The following TRPC3 variants were observed in gnomAD, a reference collection of about 807,000 sequenced individuals.
TRPC3 encodes the protein short transient receptor potential channel 3.
In TRPC3, 54 loss-of-function variants were observed where a neutral mutation model predicts 90.9. That is an observed-to-expected ratio of 0.59 (90% CI 0.48 to 0.75). The LOEUF is 0.75. Ranked by LOEUF, TRPC3 falls within the 30% of genes least tolerant of loss-of-function variation. The probability of loss-of-function intolerance (pLI) is 0.00; values close to 1 mark genes in which losing one functional copy is unlikely to be tolerated. For synonymous variants in TRPC3, 424 were observed against 450.9 expected (o/e 0.94, Z 0.75); for missense variants, 918 against 1,194.5 (o/e 0.77, Z 3.41).
chr4:121,910,766 A>G (rs1233789869), intron 5 of TRPC3, among the ~76,000 whole-genome samples: 1 of 152,228 alleles, frequency 6.6e-6, no homozygotes, highest in Non-Finnish European at 1.5e-5. Flanking sequence ...GTTCTATACA[A>G]TCACAATGGT....
At chr4:121,879,961 A>T in intron 11 of TRPC3, 83 bp from the exon 12 acceptor site, 1 of 1,345,472 alleles carries the variant, frequency 7.4e-7, no homozygotes, top group Non-Finnish European at 9.9e-7. Context: ...TTACAATATC[A>T]ATGTATTTGC....
intron 1 of TRPC3, among the ~76,000 whole-genome samples, chr4:121,941,676 C>A (rs1190085435): frequency 1.3e-5 from 2 of 152,198 alleles, no homozygotes; most frequent in African/African-American, 4.8e-5. Context: ...CCCTGGCAAG[C>A]AGGCACCTGT....
chr4:121,932,996 C>A lies in TRPC3; in HGVS notation c.262G>T (p.Glu88Ter). Residue 88 changes from glutamate to a stop codon, truncating the protein, a stop_gained, in exon 2 of 12, where the codon GAG becomes TAG. Transcript: ENST00000379645. LOFTEE classifies it high-confidence loss of function. The surrounding 1 kb of genome is among the most constrained non-coding windows in gnomAD (Gnocchi z 7.7). ...PSLRRMTVMREKGRRQAVRGP... is the reference protein window; with the variant it reads ...PSLRRMTVMR Reference sequence around the variant, plus strand: ...CTGACAGCCTGGCGCCGGCCCTTCTCCCGCATCACTGTCATGCGTCTCAGG... The same window carrying A: ...CTGACAGCCTGGCGCCGGCCCTTCTACCGCATCACTGTCATGCGTCTCAGG... 1 of 1,607,302 alleles carries A rather than the reference C, an allele frequency of 6.2e-7. No homozygotes were observed. The highest frequency in any genetic ancestry group is 8.5e-7 in the Non-Finnish European group (1 of 1,175,992).
chr4:121,874,918 C>T lies in TRPC3; in HGVS notation c.*4818G>A, dbSNP rs1727723915. ...AGGCTGAGGCTCAAGATTGCTTGAGCCCAACAATCCAGCCTGGGCAAAATA... is the reference window on the plus strand; with the variant it reads ...AGGCTGAGGCTCAAGATTGCTTGAGTCCAACAATCCAGCCTGGGCAAAATA... On this transcript the variant is annotated 3_prime_UTR_variant, in exon 12 of 12. Transcript: ENST00000379645. Among the ~76,000 whole-genome samples, 1 of 151,838 alleles carries T rather than the reference C, an allele frequency of 6.6e-6. No individual in the cohort carries two copies. Among genetic ancestry groups the T allele is most frequent in the Non-Finnish European group, 1.5e-5 (1 of 67,976 alleles).
Position 121,933,069 on chromosome 4 carries a change from T to C in TRPC3, c.216-27A>G, listed in dbSNP as rs202009238. The stretch of plus-strand genomic sequence containing the variant: ...TAATCAGTAGCAACGATAAAACAAC[T>C]GTAGAATATTAGGGCACATTCCTTC... On this transcript the variant is annotated intron_variant, in intron 1 of 11. Transcript: ENST00000379645. 6 of 1,530,776 alleles carry C rather than the reference T, an allele frequency of 3.9e-6. No individual in the cohort carries two copies. The East Asian group carries it at 9.1e-5, about 23-fold the overall frequency. 94.8% of individuals were successfully genotyped at this position (1,530,776 alleles called of 1,614,324 possible). A position where few individuals can be genotyped will look rare whatever the true frequency, so the allele number is the denominator to read the frequency against.
chr4:121,932,986 C>A lies in TRPC3; in HGVS notation c.272G>T (p.Arg91Leu). ...GGCCGGGCCCCTGACAGCCTGGCGCCGGCCCTTCTCCCGCATCACTGTCAT... is the reference window on the plus strand; with the variant it reads ...GGCCGGGCCCCTGACAGCCTGGCGCAGGCCCTTCTCCCGCATCACTGTCAT... ...RRMTVMREKG[R>L]RQAVRGPAFM... is the part of the protein sequence containing the mutation. Residue 91 changes from arginine (R) to leucine (L), a missense_variant, in exon 2 of 12, where the codon CGG becomes CTG. Transcript: ENST00000379645. This position sits in a 1 kb window ranked among gnomAD's most constrained non-coding sequence, Gnocchi z 7.7. 6.2e-7 allele frequency: 1 copy of A among 1,609,458 alleles called. No individual in the cohort carries two copies. The highest frequency in any genetic ancestry group is 8.5e-7 in the Non-Finnish European group (1 of 1,177,210).
intron 10 of TRPC3, among the ~76,000 whole-genome samples, chr4:121,888,688 C>T (rs1250949586): frequency 2.6e-5 from 4 of 152,040 alleles, no homozygotes; most frequent in South Asian, 2.1e-4. Flanking sequence ...TGAGCCACCA[C>T]GCCCACCTCC....
chr4:121,884,314 C>T (rs942155300), intron 10 of TRPC3, among the ~76,000 whole-genome samples: 8 of 152,040 alleles, frequency 5.3e-5, no homozygotes, highest in African/African-American at 1.7e-4. Flanking sequence ...AACCCAACTT[C>T]AAGATAGGGA....
chr4:121,887,114 A>G (rs1178069531), intron 10 of TRPC3, among the ~76,000 whole-genome samples: 1 of 152,188 alleles, frequency 6.6e-6, no homozygotes, highest in Admixed American at 6.5e-5. Context: ...GCGTGGGTAG[A>G]GGTAGGGGAC....
rs1163932789 is a variant in TRPC3 at position 121,875,889 on chromosome 4, ATTTT to A, written c.*3843_*3846del. On this transcript the variant is annotated 3_prime_UTR_variant, in exon 12 of 12. Transcript: ENST00000379645. ...ACAAAGTTATAAATACCCATTTTAG[ATTTT>A]TTTTTTTTTTTTTTTTTTTTTTTGT... Among the ~76,000 whole-genome samples, 59 of 75,122 alleles carry A rather than the reference ATTTT, an allele frequency of 7.9e-4. No individual in the cohort carries two copies. The highest frequency in any genetic ancestry group is 1.8e-3 in the African/African-American group (38 of 21,308). 49.3% of individuals were successfully genotyped at this position (75,122 alleles called of 152,430 possible).
At chr4:121,904,215 G>T in intron 8 of TRPC3, 107 bp downstream of exon 8, 1 of 950,552 alleles carries the variant, frequency 1.1e-6, no homozygotes, top group Non-Finnish European at 1.5e-6. Flanking sequence ...GTGGATATAA[G>T]CCTCTTTGTT....
chr4:121,876,058 C>T lies in TRPC3; in HGVS notation c.*3678G>A, dbSNP rs1192071670. Among the ~76,000 whole-genome samples the T allele has an allele frequency of 3.3e-5, 5 of 151,732 alleles. No individual in the cohort carries two copies. Among genetic ancestry groups the T allele is most frequent in the Admixed American group, 2.0e-4 (3 of 15,218 alleles). On this transcript the variant is annotated 3_prime_UTR_variant, in exon 12 of 12. Coordinates refer to ENST00000379645, the MANE Select transcript of TRPC3 (RefSeq NM_001130698.2). ...GAACCACAGACACATGCCACCATGC[C>T]CGGCTAATTTTTTTTGTATTTTTTG...
At chr4:121,936,507 G>A (rs1233722687) in intron 1 of TRPC3, among the ~76,000 whole-genome samples, 1 of 152,200 alleles carries the variant, frequency 6.6e-6, no homozygotes, top group Non-Finnish European at 1.5e-5. Context: ...AGCTCCTCAT[G>A]ACTAATACAG....
At chr4:121,916,485 T>C (rs1397514904) in intron 3 of TRPC3, among the ~76,000 whole-genome samples, 1 of 152,142 alleles carries the variant, frequency 6.6e-6, no homozygotes, top group Admixed American at 6.5e-5. Flanking sequence ...TAAGCCTCAA[T>C]GTGATGGGTA....
intron 1 of TRPC3, among the ~76,000 whole-genome samples, chr4:121,949,920 G>A (rs537258603): frequency 9.9e-5 from 15 of 152,190 alleles, no homozygotes; most frequent in African/African-American, 3.6e-4. Flanking sequence ...TAAGAGTTCC[G>A]GTGTTTCATG....
chr4:121,929,433 A>T (rs1729822677), intron 2 of TRPC3, among the ~76,000 whole-genome samples: 1 of 152,184 alleles, frequency 6.6e-6, no homozygotes, highest in Admixed American at 6.5e-5. Context: ...CTCAGTCAGA[A>T]CTAGAAAATT....
chr4:121,883,711 C>T (rs148535845), intron 10 of TRPC3, among the ~76,000 whole-genome samples: 1 of 152,210 alleles, frequency 6.6e-6, no homozygotes, highest in East Asian at 1.9e-4. Flanking sequence ...CAATTTAGTA[C>T]TATCTTTTTA....
At position 121,934,209 on chromosome 4, in the gene TRPC3, C is replaced by T. The variant is rs530391924; in HGVS notation, c.216-1167G>A. ...AATTTCATTTCCTTGTGCATCCTTA[C>T]GCCAGGTAGAAAATCGAATTTTATG... On this transcript the variant is annotated intron_variant, in intron 1 of 11. Coordinates refer to ENST00000379645, the MANE Select transcript of TRPC3 (RefSeq NM_001130698.2). Among the ~76,000 whole-genome samples the T allele has an allele frequency of 5.9e-5, 9 of 152,272 alleles. 1 individual carries two copies. The highest frequency in any genetic ancestry group is 4.1e-4 in the South Asian group (2 of 4,830).
At chr4:121,924,915 T>C (rs1729649833) in intron 3 of TRPC3, 103 bp downstream of exon 3, 1 of 1,274,114 alleles carries the variant, frequency 7.8e-7, no homozygotes, top group African/African-American at 1.5e-5. Flanking sequence ...CCCAGCCTAC[T>C]AGCGTCTAGT....
Sources: allele counts gnomAD v4.1 joint callset (sites outside exome capture counted in the v4.1 genomes callset), GRCh38; gene constraint gnomAD v4.1.1; non-coding constraint Gnocchi (gnomAD v3.1); transcripts MANE v1.5; gene names NCBI Gene and HGNC (gene_info 2026-07-23, HGNC 2026-07-21).